Variants in ANAPC4 observed in about 807,000 individuals in gnomAD.
The protein encoded by ANAPC4 is anaphase promoting complex subunit 4, also known as anaphase-promoting complex subunit 4.
Under a neutral mutation model 119.8 loss-of-function variants are expected in ANAPC4, and 63 were observed. The ratio of observed to expected loss-of-function variants is 0.53; its 90% CI spans 0.43 to 0.65. The LOEUF (loss-of-function observed/expected upper bound fraction) is 0.65, where lower values mean the gene tolerates loss of function less well. ANAPC4 is among the 30% of genes least tolerant of loss of function. The probability of loss-of-function intolerance (pLI) is 0.00; values close to 1 mark genes in which losing one functional copy is unlikely to be tolerated. For missense variants in ANAPC4, 716 were observed against 945.1 expected (o/e 0.76, Z 3.18); for synonymous variants, 283 against 318.6 (o/e 0.89, Z 1.19).
At chr4:25,391,793 G>A (rs1223117283) in intron 9 of ANAPC4, among the ~76,000 whole-genome samples, 2 of 152,172 alleles carry the variant, frequency 1.3e-5, no homozygotes, top group Admixed American at 1.3e-4. Flanking sequence ...TGTATTCAGA[G>A]CATCAGAGAA....
chr4:25,390,709 GAGGGAACC>G (rs1372207673), intron 8 of ANAPC4, among the ~76,000 whole-genome samples, 194 bp from the exon 9 acceptor site: 2 of 152,210 alleles, frequency 1.3e-5, no homozygotes, highest in Non-Finnish European at 2.9e-5. Flanking sequence ...GGGTAGGGGT[GAGGGAACC>G]AGGTTATTTT....
Position 25,417,712 on chromosome 4 carries a change from G to A in ANAPC4, c.2172G>A (p.Gly724=). The change falls in exon 28 of 29, where the codon GGG becomes GGA. Residue 724 remains glycine, a synonymous_variant. Coordinates refer to ENST00000315368, the MANE Select transcript of ANAPC4 (RefSeq NM_013367.3). ...GTATGAAAGCACAGTATGTTGCTGG[G>A]AATGGTTTTCGAAAAGTGTCCTGTG... is the stretch of plus-strand genomic sequence containing the variant. ...LESMKAQYVA[G]NGFRKVSCVL... 6.2e-7 allele frequency: 1 copy of A among 1,612,522 alleles called. No homozygotes were observed. The highest frequency in any genetic ancestry group is 1.1e-5 in the South Asian group (1 of 90,806).
At chr4:25,393,467 G>C (rs765556857) in intron 10 of ANAPC4, among the ~76,000 whole-genome samples, 9 of 152,026 alleles carry the variant, frequency 5.9e-5, no homozygotes, top group South Asian at 2.1e-4. Context: ...TTCGAGACCA[G>C]CCTGGCCAAC....
In ANAPC4 at chr4:25,388,752, C is replaced by A. The variant is rs761186712; in HGVS notation, c.470+9C>A. On this transcript the variant is annotated intron_variant, in intron 6 of 28. Transcript: ENST00000315368. ...ACCTCAAAAATATTTAGGTAAGATA[C>A]GCCTTTTCTTGTTTTCAAGTAAGAT... is the stretch of plus-strand genomic sequence containing the variant. 1.9e-6 allele frequency: 3 copies of A among 1,608,368 alleles called. 1 individual carries two copies. The South Asian group carries it at 3.3e-5, about 18-fold the overall frequency.
At chr4:25,401,292 T>C (rs776715724) in intron 16 of ANAPC4, among the ~76,000 whole-genome samples, 2 of 152,076 alleles carry the variant, frequency 1.3e-5, no homozygotes, top group Non-Finnish European at 2.9e-5. Flanking sequence ...TCTGTGTAGG[T>C]TGGGGCAGCA....
intron 10 of ANAPC4, 65 bp downstream of exon 10, chr4:25,392,486 AAG>A (rs1722402258): frequency 7.1e-7 from 1 of 1,403,020 alleles, no homozygotes; most frequent in African/African-American, 1.4e-5. Flanking sequence ...TGTAAATAAA[AAG>A]CTTCAAAATT....
Position 25,394,710 on chromosome 4 carries a change from A to G in ANAPC4, c.981A>G (p.Val327=). The change falls in exon 13 of 29, where the codon GTA becomes GTG. Residue 327 remains valine, a synonymous_variant. Transcript: ENST00000315368. The part of the protein sequence containing the change: ...LQTLLMNQLT[V]KGLKKLGQSI... ...CTCTCTTGATGAATCAGTTAACAGT[A>G]AAGGTGCAGTTAATGTATCTATGTA... The G allele has an allele frequency of 6.2e-7, 1 of 1,604,538 alleles. No individual in the cohort carries two copies. Among genetic ancestry groups the G allele is most frequent in the South Asian group, 1.1e-5 (1 of 88,204 alleles).
At chr4:25,398,526 G>A (rs1216000166) in intron 16 of ANAPC4, among the ~76,000 whole-genome samples, 2 of 152,184 alleles carry the variant, frequency 1.3e-5, no homozygotes, top group African/African-American at 2.4e-5. Context: ...TAAGGTAGGA[G>A]GTGGATTGAC....
At chr4:25,387,971 A>T (rs1722132701) in intron 4 of ANAPC4, among the ~76,000 whole-genome samples, 3 of 152,054 alleles carry the variant, frequency 2.0e-5, no homozygotes, top group Non-Finnish European at 4.4e-5. Context: ...AAAAAAAAAA[A>T]TGTATATATT....
rs1189915500 is a variant in ANAPC4, at chr4:25,411,943, A to T, written c.1526-1702A>T. 2.6e-5 allele frequency among the ~76,000 whole-genome samples: 4 copies of T among 152,294 alleles called. No homozygotes were observed. In the East Asian group the frequency reaches 7.7e-4, roughly 29 times the overall value. On this transcript the variant is annotated intron_variant, in intron 21 of 28. Transcript: ENST00000315368. ...TTAGCGCAGACCTCACAGGATAAGG[A>T]TGCAGTCCCACAAGACTGCCCTCGC...
At chr4:25,383,778 T>C (rs1721880694) in intron 4 of ANAPC4, among the ~76,000 whole-genome samples, 1 of 152,258 alleles carries the variant, frequency 6.6e-6, no homozygotes, top group African/African-American at 2.4e-5. Flanking sequence ...ATATACTTTA[T>C]TGCTAAAAAA....
At chr4:25,417,924 TTACTAAG>T (rs1231064587) in intron 28 of ANAPC4, 185 bp downstream of exon 28, 10 of 904,442 alleles carry the variant, frequency 1.1e-5, no homozygotes, top group Non-Finnish European at 1.6e-5. Context: ...CTGATAAAGC[TTACTAAG>T]TAGTTAATAA....
Position 25,409,735 on chromosome 4 carries a change from C to T in ANAPC4, c.1469C>T (p.Pro490Leu). 2 of 1,613,260 alleles carry T rather than the reference C, an allele frequency of 1.2e-6. No individual in the cohort carries two copies. The highest frequency in any genetic ancestry group is 1.1e-5 in the South Asian group (1 of 91,030). The change falls in exon 21 of 29, where the codon CCT becomes CTT. Residue 490 changes from proline to leucine, a missense_variant. Around this residue, in one of 3 missense-constraint regions of ANAPC4, gnomAD observed 504 missense variants for 615.8 expected, o/e 0.82. Coordinates refer to ENST00000315368, the MANE Select transcript of ANAPC4 (RefSeq NM_013367.3). ...GAAGATGATGATCTTGTGTCACCCC[C>T]TAACACAGAAGGAAACCAGTGGTAT... The part of the protein sequence containing the change: ...KDEDDDLVSP[P>L]NTEGNQWYDF...
intron 22 of ANAPC4, 194 bp from the exon 23 acceptor site, chr4:25,414,130 C>G (rs1723728500): frequency 2.0e-6 from 1 of 504,536 alleles, no homozygotes; most frequent in Non-Finnish European, 3.4e-6. Flanking sequence ...TGCTTAGCAC[C>G]AAGGTCCTTT....
Position 25,380,468 on chromosome 4 carries a change from C to A in ANAPC4, c.224C>A (p.Pro75Gln). ...GAGGTGACGTGTCTGGCATGGAGAC[C>A]AGATGGCAAACGTAATGATAATATT... ...GKEVTCLAWR[P>Q]DGKLLAFALA... Residue 75 changes from proline (P) to glutamine (Q), a missense_variant, in exon 3 of 29, where the codon CCA becomes CAA. Around this residue, in one of 3 missense-constraint regions of ANAPC4, gnomAD observed 202 missense variants for 293.5 expected, o/e 0.69. Coordinates refer to ENST00000315368, the MANE Select transcript of ANAPC4 (RefSeq NM_013367.3). 6.2e-7 allele frequency: 1 copy of A among 1,606,976 alleles called. No homozygotes were observed. The highest frequency in any genetic ancestry group is 8.5e-7 in the Non-Finnish European group (1 of 1,176,124).
At chr4:25,416,834 G>T in intron 27 of ANAPC4, 1 of 306,892 alleles carries the variant, frequency 3.3e-6, no homozygotes, top group Non-Finnish European at 6.0e-6. Flanking sequence ...TCAAGGTGGG[G>T]AATTATTTGG....
intron 20 of ANAPC4, among the ~76,000 whole-genome samples, chr4:25,407,491 A>G (rs891067413): frequency 2.0e-5 from 3 of 152,270 alleles, no homozygotes; most frequent in Non-Finnish European, 4.4e-5. Context: ...AATCCCAGCT[A>G]CTTGGGAGGC....
rs187350860 is a variant in ANAPC4, at chr4:25,397,952, G to A, written c.1214+1053G>A. 3.4e-3 allele frequency among the ~76,000 whole-genome samples: 513 copies of A among 151,488 alleles called. 2 individuals are homozygous for A. The highest frequency in any genetic ancestry group is 0.012 in the African/African-American group (475 of 41,276). ...TTTATTATTATTTATTTATTTTTGC[G>A]ATGGGGTCTTTCTATGTTGCCCAGG... is the stretch of plus-strand genomic sequence containing the variant. On this transcript the variant is annotated intron_variant, in intron 16 of 28. Coordinates refer to ENST00000315368, the MANE Select transcript of ANAPC4 (RefSeq NM_013367.3).
intron 14 of ANAPC4, among the ~76,000 whole-genome samples, chr4:25,396,089 C>T (rs1191974700): frequency 6.6e-6 from 1 of 152,166 alleles, no homozygotes; most frequent in Non-Finnish European, 1.5e-5. Flanking sequence ...CACATGCATT[C>T]TTCAGCTCTC....
Sources: allele counts gnomAD v4.1 joint callset (sites outside exome capture counted in the v4.1 genomes callset), GRCh38; gene constraint gnomAD v4.1.1; regional missense constraint gnomAD v4.1.1; transcripts MANE v1.5; gene names NCBI Gene and HGNC (gene_info 2026-07-23, HGNC 2026-07-21).